The following MICU3 variants were observed in gnomAD, a reference collection of about 807,000 sequenced individuals.
MICU3 encodes the protein calcium uptake protein 3, mitochondrial.
Under a neutral mutation model 66.5 loss-of-function variants are expected in MICU3, and 62 were observed. The ratio of observed to expected loss-of-function variants is 0.93; its 90% CI spans 0.76 to 1.15. The LOEUF is 1.15. MICU3 is among the 50% of genes most tolerant of loss of function. The probability of loss-of-function intolerance (pLI) is 0.00; values close to 1 mark genes in which losing one functional copy is unlikely to be tolerated. For missense variants in MICU3, 779 were observed against 664.4 expected (o/e 1.17, Z -1.90); for synonymous variants, 308 against 240.7 (o/e 1.28, Z -2.59).
chr8:17,049,506 CTT>C (rs1815684442), intron 1 of MICU3: 1 of 491,862 alleles, frequency 2.0e-6, no homozygotes, highest in African/African-American at 2.0e-5. Flanking sequence ...AGTTTGTGGG[CTT>C]AGTATTTATT....
At chr8:17,086,943 C>T in intron 6 of MICU3, 21 bp from the exon 7 acceptor site, 1 of 1,523,196 alleles carries the variant, frequency 6.6e-7, no homozygotes, top group Non-Finnish European at 9.1e-7. Context: ...ATATTTGATT[C>T]TTGATTGATT....
chr8:17,088,749 A>C lies in MICU3; in HGVS notation c.849+1714A>C, dbSNP rs192511531. On this transcript the variant is annotated intron_variant, in intron 7 of 14. Coordinates refer to ENST00000318063, the MANE Select transcript of MICU3 (RefSeq NM_181723.3). ...CATCCATCAAGTAATAAAGGGAGAT[A>C]AAAAAGAGAAAAATATTAGCAGACA... Among the ~76,000 whole-genome samples, 4 of 152,086 alleles carry C rather than the reference A, an allele frequency of 2.6e-5. No individual in the cohort carries two copies. In the East Asian group the frequency reaches 7.8e-4, roughly 29 times the overall value.
intron 1 of MICU3, among the ~76,000 whole-genome samples, chr8:17,048,899 G>A (rs895449528): frequency 2.6e-5 from 4 of 152,268 alleles, no homozygotes; most frequent in African/African-American, 7.2e-5. Flanking sequence ...GATTTTCGAC[G>A]TGAGCAAGGC....
intron 1 of MICU3, among the ~76,000 whole-genome samples, chr8:17,052,513 C>T (rs968302594): frequency 2.6e-5 from 4 of 152,176 alleles, no homozygotes; most frequent in Admixed American, 6.5e-5. Flanking sequence ...CCAACCCCCA[C>T]TCACCCTTCC....
chr8:17,073,431 A>T (rs1033405092), intron 3 of MICU3, among the ~76,000 whole-genome samples: 3 of 151,908 alleles, frequency 2.0e-5, no homozygotes, highest in African/African-American at 7.3e-5. Context: ...ATGCCTGATG[A>T]TATGTCACTG....
At chr8:17,059,179 A>G (rs958445434) in intron 1 of MICU3, among the ~76,000 whole-genome samples, 8 of 152,214 alleles carry the variant, frequency 5.3e-5, no homozygotes, top group African/African-American at 1.7e-4. Context: ...TTGTTTGGGG[A>G]TTCCTATTTA....
intron 1 of MICU3, among the ~76,000 whole-genome samples, chr8:17,047,726 T>C (rs747889669): frequency 3.8e-4 from 58 of 152,254 alleles, no homozygotes; most frequent in Admixed American, 9.2e-4. Context: ...CGGTAAGTTA[T>C]TTAGGAATGA....
Position 17,116,490 on chromosome 8 carries a change from C to A in MICU3, c.1414C>A (p.Pro472Thr), listed in dbSNP as rs1450227153. 4 of 1,545,482 alleles carry A rather than the reference C, an allele frequency of 2.6e-6. No individual in the cohort carries two copies. Among genetic ancestry groups the A allele is most frequent in the Non-Finnish European group, 3.5e-6 (4 of 1,153,006 alleles). ...VYVATGLKFS[P>T]HLVNTVFKIF... ...TGTAGCTACTGGACTCAAATTTTCA[C>A]CACATTTAGTGAACACTGTCTTCAA... The change falls in exon 13 of 15, where the codon CCA becomes ACA. Residue 472 changes from proline (P) to threonine (T), a missense_variant. Pro to Thr is a conservative substitution (Grantham distance 38). Transcript: ENST00000318063.
At chr8:17,137,547 TG>T in the MICU3 span, among the ~76,000 whole-genome samples, 1 of 148,666 alleles carries the variant, frequency 6.7e-6, no homozygotes. Context: ...AAGGGGGCCC[TG>T]TATTTTCATT....
chr8:17,066,517 C>CTATATATATATA (rs71212675), intron 2 of MICU3, among the ~76,000 whole-genome samples: 4 of 105,058 alleles, frequency 3.8e-5, no homozygotes, highest in East Asian at 3.2e-4. Flanking sequence ...TGTTAATAAT[C>CTATATATATATA]TATATATATA....
At position 17,038,600 on chromosome 8, in the gene MICU3, A is replaced by T. The variant is rs116008911; in HGVS notation, c.381+10940A>T. On this transcript the variant is annotated intron_variant, in intron 1 of 14. Transcript: ENST00000318063. ...GTTTTGGAGAAGTTCTACTGTGAGT[A>T]AAATGCTATCAAACAGCATCACCTG... Among the ~76,000 whole-genome samples the T allele has an allele frequency of 8.8e-3, 1,341 of 152,338 alleles. 16 individuals carry two copies. The highest frequency in any genetic ancestry group is 0.029 in the African/African-American group (1,219 of 41,578).
chr8:17,047,215 G>A (rs1010948903), intron 1 of MICU3, among the ~76,000 whole-genome samples: 21 of 152,186 alleles, frequency 1.4e-4, no homozygotes, highest in Non-Finnish European at 3.1e-4. Context: ...TTCTAGAAAT[G>A]TAAATATAGC....
intron 1 of MICU3, among the ~76,000 whole-genome samples, chr8:17,059,194 G>A (rs1320733016): frequency 6.6e-6 from 1 of 152,140 alleles, no homozygotes; most frequent in African/African-American, 2.4e-5. Context: ...TATTTATGCT[G>A]CTACTCACCC....
chr8:17,042,389 G>A (rs556743918), intron 1 of MICU3, among the ~76,000 whole-genome samples: 1 of 152,172 alleles, frequency 6.6e-6, no homozygotes, highest in Non-Finnish European at 1.5e-5. Context: ...GAAAAAATGT[G>A]TTTAAAAAAT....
intron 1 of MICU3, among the ~76,000 whole-genome samples, chr8:17,033,623 G>A (rs1275564507): frequency 1.3e-5 from 2 of 152,168 alleles, no homozygotes; most frequent in Admixed American, 1.3e-4. Context: ...ATTTTTAGTA[G>A]AGACGGGATT....
chr8:17,124,182 T>C (rs937175300), downstream of MICU3, among the ~76,000 whole-genome samples: 1 of 152,176 alleles, frequency 6.6e-6, no homozygotes, highest in Non-Finnish European at 1.5e-5. Context: ...ACAGACATGT[T>C]TCCCCTCCAC....
intron 5 of MICU3, among the ~76,000 whole-genome samples, chr8:17,084,468 C>T (rs528286522): frequency 9.9e-5 from 15 of 151,930 alleles, no homozygotes; most frequent in Non-Finnish European, 2.2e-4. Context: ...GTGGGGGGTC[C>T]CTTTTTCAAC....
At chr8:17,073,583 A>G (rs1819927069) in intron 3 of MICU3, among the ~76,000 whole-genome samples, 1 of 152,136 alleles carries the variant, frequency 6.6e-6, no homozygotes, top group Non-Finnish European at 1.5e-5. Flanking sequence ...TGCACAATAA[A>G]TGTAATGCAC....
In MICU3 at chr8:17,043,684, C is replaced by A. The variant is rs769238533; in HGVS notation, c.381+16024C>A. Among the ~76,000 whole-genome samples, 7 of 152,132 alleles carry A rather than the reference C, an allele frequency of 4.6e-5. No individual in the cohort carries two copies. In the South Asian group the frequency reaches 1.5e-3, roughly 32 times the overall value. On this transcript the variant is annotated intron_variant, in intron 1 of 14. Transcript: ENST00000318063. ...TATAGTAAAGAATACACTTAGTAAC[C>A]TTTTGGTCCAGTACTGTGAAGATGT... is the stretch of plus-strand genomic sequence containing the variant.
Sources: gnomAD v4.1 joint callset for allele counts (sites outside exome capture counted in the v4.1 genomes callset) on GRCh38, gnomAD v4.1.1 for gene constraint, MANE v1.5 for transcripts, NCBI Gene and HGNC (gene_info 2026-07-23, HGNC 2026-07-21) for gene names.